The following CEP63 variants were observed in gnomAD, a reference collection of about 807,000 sequenced individuals.
CEP63 encodes centrosomal protein of 63 kDa.
Under a neutral mutation model 89.1 loss-of-function variants are expected in CEP63, and 84 were observed. The ratio of observed to expected loss-of-function variants is 0.94; its 90% CI spans 0.79 to 1.13. The LOEUF is 1.13. Ranked by LOEUF, CEP63 falls within the 50% of genes most tolerant of loss-of-function variation. The pLI is 0.00. For missense variants in CEP63, 838 were observed against 813.3 expected, an observed-to-expected ratio of 1.03 and a Z score of -0.37; for synonymous variants, 267 against 272.5, an observed-to-expected ratio of 0.98 and a Z score of 0.20.
rs753223860 is a variant in CEP63 at position 134,574,779 on chromosome 3, A to AT, written c.1330-5dup. ...CCACCACACCTGGCTAATTTTTTAT[A>AT]TTTTTTTTTGTAGAGATGGGGTTTT... On this transcript the variant is annotated splice_polypyrimidine_tract_variant and intron_variant, in intron 11 of 11. Coordinates refer to the CEP63 transcript ENST00000354446. 3.6e-3 allele frequency: 1,894 copies of AT among 529,964 alleles called. 1 individual carries two copies. Among genetic ancestry groups the AT allele is most frequent in the South Asian group, 7.9e-3 (348 of 44,274 alleles). 32.8% of individuals were successfully genotyped at this position (529,964 alleles called of 1,614,324 possible). A position where few individuals can be genotyped will look rare whatever the true frequency, so the allele number is the denominator to read the frequency against.
At chr3:134,686,927 A>C in the CEP63 span, among the ~76,000 whole-genome samples, 1 of 152,206 alleles carries the variant, frequency 6.6e-6, no homozygotes, top group South Asian at 2.1e-4. Context: ...TGTTTTCTGC[A>C]CCATGATGCA....
At chr3:134,504,581 G>C (rs1254930336) in intron 2 of CEP63, among the ~76,000 whole-genome samples, 1 of 152,166 alleles carries the variant, frequency 6.6e-6, no homozygotes, top group African/African-American at 2.4e-5. Flanking sequence ...GTGCCTTAGA[G>C]AAGACCTTTT....
At chr3:134,549,843 C>T (rs1208503424) in intron 10 of CEP63, among the ~76,000 whole-genome samples, 1 of 152,174 alleles carries the variant, frequency 6.6e-6, no homozygotes, top group Non-Finnish European at 1.5e-5. Context: ...TAACCCATCT[C>T]TCCCTGTTTT....
the CEP63 span, among the ~76,000 whole-genome samples, chr3:134,708,225 C>T: frequency 2.6e-5 from 4 of 152,350 alleles, no homozygotes; most frequent in South Asian, 2.1e-4. Context: ...CAGTTGGCAG[C>T]AGAAATGAAA....
At chr3:134,539,155 T>A (rs1400312115) in intron 6 of CEP63, among the ~76,000 whole-genome samples, 1 of 152,180 alleles carries the variant, frequency 6.6e-6, no homozygotes, top group African/African-American at 2.4e-5. Context: ...ATGATCATCA[T>A]TTTTTTAAAC....
At chr3:134,690,743 A>ATTTTTTCTTTTTTT in the CEP63 span, among the ~76,000 whole-genome samples, 1 of 120,796 alleles carries the variant, frequency 8.3e-6, no homozygotes, top group African/African-American at 3.5e-5. Flanking sequence ...GAAGACCAAG[A>ATTTTTTCTTTTTTT]TTTTTTTTTT....
At chr3:134,649,935 C>G in the CEP63 span, among the ~76,000 whole-genome samples, 1 of 152,224 alleles carries the variant, frequency 6.6e-6, no homozygotes, top group African/African-American at 2.4e-5. Flanking sequence ...CCTGCATGGG[C>G]TGTCAGGCCT....
At chr3:134,690,077 G>C in the CEP63 span, among the ~76,000 whole-genome samples, 3 of 152,170 alleles carry the variant, frequency 2.0e-5, no homozygotes, top group Non-Finnish European at 2.9e-5. Flanking sequence ...TCTAGACAAT[G>C]CATAGTTTTC....
At chr3:134,514,855 A>G (rs1945856573) in intron 3 of CEP63, among the ~76,000 whole-genome samples, 1 of 152,172 alleles carries the variant, frequency 6.6e-6, no homozygotes, top group Non-Finnish European at 1.5e-5. Flanking sequence ...GCAGTAGTAA[A>G]TGTATGGGTA....
At chr3:134,550,536 A>T (rs906287290) in intron 11 of CEP63, among the ~76,000 whole-genome samples, 3 of 152,144 alleles carry the variant, frequency 2.0e-5, no homozygotes, top group Non-Finnish European at 4.4e-5. Flanking sequence ...GGCCTTCCAG[A>T]AGGTGTGATA....
Position 134,520,926 on chromosome 3 carries a change from A to G in CEP63, c.223-10919A>G, listed in dbSNP as rs138774880. 5.0e-3 allele frequency among the ~76,000 whole-genome samples: 757 copies of G among 152,328 alleles called. 28 individuals carry two copies. The highest frequency in any genetic ancestry group is 0.047 in the Admixed American group (714 of 15,306). ...TGTGAAATGCTGAAGATTTTCTAGA[A>G]GATGACATAAGAGAAAATCTTAGTG... On this transcript the variant is annotated intron_variant, in intron 3 of 14. Transcript: ENST00000675561.
the CEP63 span, among the ~76,000 whole-genome samples, chr3:134,675,975 T>C: frequency 0.31 from 46,448 of 152,086 alleles, 7,830 homozygotes; most frequent in African/African-American, 0.45. Flanking sequence ...CTTCTGGCTG[T>C]TCCTCAAAAA....
At chr3:134,539,776 C>CAT (rs1225501998) in intron 6 of CEP63, among the ~76,000 whole-genome samples, 1 of 152,114 alleles carries the variant, frequency 6.6e-6, no homozygotes, top group African/African-American at 2.4e-5. Context: ...CCTTCTTTGA[C>CAT]ATATGTTTGC....
chr3:134,710,366 G>A, the CEP63 span, among the ~76,000 whole-genome samples: 1 of 152,206 alleles, frequency 6.6e-6, no homozygotes, highest in Non-Finnish European at 1.5e-5. Context: ...AGTGAAGGGA[G>A]GCTGTGTGCT....
At chr3:134,516,484 G>C (rs749058806) in intron 3 of CEP63, among the ~76,000 whole-genome samples, 2 of 152,144 alleles carry the variant, frequency 1.3e-5, no homozygotes. Context: ...GACCCTTTAC[G>C]GGTGTCGGGC....
intron 6 of CEP63, among the ~76,000 whole-genome samples, chr3:134,537,987 C>G (rs751693368): frequency 2.6e-5 from 4 of 152,154 alleles, no homozygotes; most frequent in Non-Finnish European, 5.9e-5. Context: ...CTTGTAAGAA[C>G]ATATTCAGCT....
At chr3:134,691,180 C>T in the CEP63 span, among the ~76,000 whole-genome samples, 1 of 151,620 alleles carries the variant, frequency 6.6e-6, no homozygotes, top group Non-Finnish European at 1.5e-5. Flanking sequence ...CACGACAAAA[C>T]CCTGTCTCTA....
At chr3:134,521,134 G>A (rs1947351166) in intron 3 of CEP63, among the ~76,000 whole-genome samples, 1 of 152,090 alleles carries the variant, frequency 6.6e-6, no homozygotes, top group Admixed American at 6.5e-5. Flanking sequence ...ATTTCACAAA[G>A]GAAGATATCA....
chr3:134,656,106 G>C, the CEP63 span, among the ~76,000 whole-genome samples: 1 of 152,178 alleles, frequency 6.6e-6, no homozygotes. Flanking sequence ...TTGTTCTTGA[G>C]ACCTCACTAT....
Sources: allele counts gnomAD v4.1 joint callset (sites outside exome capture counted in the v4.1 genomes callset), GRCh38; gene constraint gnomAD v4.1.1; transcripts MANE v1.5; gene names NCBI Gene and HGNC (gene_info 2026-07-23, HGNC 2026-07-21).